The following HMGN3 variants were observed in gnomAD, a reference collection of about 807,000 sequenced individuals.
HMGN3 encodes the protein high mobility group nucleosome-binding domain-containing protein 3.
A neutral mutation model predicts 18.8 loss-of-function variants in HMGN3; 6 were observed. That is an observed-to-expected ratio of 0.32 (90% CI 0.18 to 0.63). The LOEUF (loss-of-function observed/expected upper bound fraction) is 0.63. Among genes scored for constraint, HMGN3 ranks in the 30% least tolerant of loss-of-function variants. The probability of loss-of-function intolerance (pLI) is 0.79; values close to 1 mark genes in which losing one functional copy is unlikely to be tolerated. For missense variants in HMGN3, 107 were observed against 114.2 expected, an observed-to-expected ratio of 0.94 and a Z score of 0.29; for synonymous variants, 40 against 36.5, an observed-to-expected ratio of 1.10 and a Z score of -0.35.
intron 1 of HMGN3, among the ~76,000 whole-genome samples, chr6:79,216,943 T>C (rs1777017784): frequency 6.6e-6 from 1 of 152,208 alleles, no homozygotes; most frequent in South Asian, 2.1e-4. Context: ...AAAGCAGCAG[T>C]ACATAGCTAT....
At chr6:79,211,723 TATCCCATAGGCATC>T (rs1027990080) in intron 2 of HMGN3, among the ~76,000 whole-genome samples, 6 of 152,102 alleles carry the variant, frequency 3.9e-5, no homozygotes, top group African/African-American at 1.4e-4. Flanking sequence ...ACAGTGGAAT[TATCCCATAGGCATC>T]ATCCCATAGG....
intron 1 of HMGN3, among the ~76,000 whole-genome samples, chr6:79,219,551 C>T (rs763792440): frequency 2.0e-5 from 3 of 152,060 alleles, no homozygotes; most frequent in Admixed American, 6.6e-5. Flanking sequence ...AACCACTAAT[C>T]GTAAACAACA....
intron 1 of HMGN3, among the ~76,000 whole-genome samples, chr6:79,229,414 T>A (rs1375185798): frequency 6.6e-6 from 1 of 152,206 alleles, no homozygotes; most frequent in African/African-American, 2.4e-5. Flanking sequence ...ATACACATTA[T>A]GCTAGTAAAC....
At chr6:79,210,900 A>G (rs2127820005) in intron 2 of HMGN3, among the ~76,000 whole-genome samples, 1 of 151,924 alleles carries the variant, frequency 6.6e-6, no homozygotes, top group Admixed American at 6.6e-5. Flanking sequence ...ATTCCAATCT[A>G]AGCACTGCTC....
At chr6:79,203,066 G>A (rs1776226298) in intron 4 of HMGN3, among the ~76,000 whole-genome samples, 1 of 152,126 alleles carries the variant, frequency 6.6e-6, no homozygotes, top group African/African-American at 2.4e-5. Flanking sequence ...CAGGATATTT[G>A]TATCTACTTC....
chr6:79,203,538 T>G, intron 4 of HMGN3, 42 bp downstream of exon 4: 1 of 1,471,486 alleles, frequency 6.8e-7, no homozygotes, highest in Non-Finnish European at 9.5e-7. Flanking sequence ...TATAATTTAT[T>G]CATTGTTTAA....
At chr6:79,205,157 G>A (rs1776355931) in intron 3 of HMGN3, among the ~76,000 whole-genome samples, 1 of 152,132 alleles carries the variant, frequency 6.6e-6, no homozygotes, top group Non-Finnish European at 1.5e-5. Context: ...GAAAAGCTTT[G>A]TTTTAAACTT....
chr6:79,227,825 G>A (rs988043146), intron 1 of HMGN3, among the ~76,000 whole-genome samples: 12 of 152,076 alleles, frequency 7.9e-5, no homozygotes, highest in African/African-American at 2.9e-4. Flanking sequence ...CCCTTCCTTT[G>A]AAAACAATTT....
At chr6:79,228,263 G>T (rs1177465953) in intron 1 of HMGN3, among the ~76,000 whole-genome samples, 2 of 151,938 alleles carry the variant, frequency 1.3e-5, no homozygotes, top group Non-Finnish European at 1.5e-5. Context: ...ACTCATTCAG[G>T]TTGAAAAAAA....
At chr6:79,227,260 T>C (rs1777606578) in intron 1 of HMGN3, among the ~76,000 whole-genome samples, 1 of 151,322 alleles carries the variant, frequency 6.6e-6, no homozygotes, top group East Asian at 1.9e-4. Flanking sequence ...TTTTTAAACA[T>C]TTTTTTTTCC....
intron 3 of HMGN3, among the ~76,000 whole-genome samples, chr6:79,206,826 T>C (rs942979937): frequency 6.6e-6 from 1 of 152,168 alleles, no homozygotes; most frequent in Non-Finnish European, 1.5e-5. Context: ...AGGGAAGCTG[T>C]ATCCTGAAAA....
chr6:79,201,710 G>A, exon 6 of HMGN3: 1 of 1,601,860 alleles, frequency 6.2e-7, no homozygotes, highest in Non-Finnish European at 8.5e-7. Flanking sequence ...GTTATCTACA[G>A]ATTCAGTTTT....
chr6:79,224,547 T>C (rs1292775105), intron 1 of HMGN3, among the ~76,000 whole-genome samples: 1 of 152,252 alleles, frequency 6.6e-6, no homozygotes, highest in Non-Finnish European at 1.5e-5. Context: ...CTGGTTGTTT[T>C]TATCTCAGTA....
intron 2 of HMGN3, 150 bp downstream of exon 2, chr6:79,214,822 C>T (rs905145715): frequency 2.7e-5 from 16 of 588,608 alleles, no homozygotes; most frequent in South Asian, 1.1e-4. Flanking sequence ...AGACACTTAT[C>T]GCTCTTTCAG....
intron 1 of HMGN3, among the ~76,000 whole-genome samples, chr6:79,228,136 C>G (rs543841647): frequency 6.6e-6 from 1 of 152,164 alleles, no homozygotes; most frequent in South Asian, 2.1e-4. Context: ...TTTGAATGCT[C>G]ACTGCTCATA....
At chr6:79,203,301 C>T (rs1225047446) in intron 4 of HMGN3, among the ~76,000 whole-genome samples, 1 of 152,156 alleles carries the variant, frequency 6.6e-6, no homozygotes, top group East Asian at 1.9e-4. Context: ...CGCTGTGTGC[C>T]GCATGAACCG....
At chr6:79,212,798 A>G (rs1406405496) in intron 2 of HMGN3, among the ~76,000 whole-genome samples, 1 of 152,234 alleles carries the variant, frequency 6.6e-6, no homozygotes, top group Non-Finnish European at 1.5e-5. Context: ...ACTCAATGAC[A>G]TAACTGGAAA....
Position 79,214,621 on chromosome 6 carries a change from C to T in HMGN3, c.66+351G>A, listed in dbSNP as rs576052264. Among the ~76,000 whole-genome samples, 22 of 152,308 alleles carry T rather than the reference C, an allele frequency of 1.4e-4. No individual in the cohort carries two copies. The South Asian group carries it at 4.6e-3, about 32-fold the overall frequency. On this transcript the variant is annotated intron_variant, in intron 2 of 5. Transcript: ENST00000344726. ...AGATCAACAGTCTTTCATTTTCTTG[C>T]TGTGAAAGGCAGACTTTGTTCTCCT...
intron 1 of HMGN3, 175 bp downstream of exon 1, chr6:79,234,370 TA>T (rs1432291848): frequency 1.0e-5 from 5 of 501,242 alleles, no homozygotes; most frequent in Non-Finnish European, 1.8e-5. Flanking sequence ...ACGGAGTGGG[TA>T]GGGGGGACAG....
Sources: allele counts gnomAD v4.1 joint callset (sites outside exome capture counted in the v4.1 genomes callset), GRCh38; gene constraint gnomAD v4.1.1; transcripts MANE v1.5; gene names NCBI Gene and HGNC (gene_info 2026-07-23, HGNC 2026-07-21).